WDFY4: variants seen among roughly 807,000 people sequenced by gnomAD.
WDFY4 encodes WDFY family member 4.
Under a neutral mutation model 351.9 loss-of-function variants are expected in WDFY4, and 169 were observed. The observed-to-expected ratio is 0.48, with a 90% CI of 0.42 to 0.55. WDFY4 has a LOEUF of 0.55. Among genes scored for constraint, WDFY4 ranks in the 20% least tolerant of loss-of-function variants. The probability of loss-of-function intolerance (pLI) is 0.00; values close to 1 mark genes in which losing one functional copy is unlikely to be tolerated. For missense variants in WDFY4, 3,803 were observed against 3,935.6 expected (o/e 0.97, Z 0.90); for synonymous variants, 1,622 against 1,574.6 (o/e 1.03, Z -0.71).
intron 48 of WDFY4, among the ~76,000 whole-genome samples, chr10:48,942,222 C>T (rs1179299997): frequency 6.6e-6 from 1 of 152,202 alleles, no homozygotes; most frequent in Non-Finnish European, 1.5e-5. Flanking sequence ...ACCTCAGCCA[C>T]CCAAAGGGCT....
chr10:48,787,388 C>G (rs11815762), intron 20 of WDFY4, among the ~76,000 whole-genome samples: 7,607 of 152,320 alleles, frequency 0.05, 243 homozygotes, highest in Middle Eastern at 0.082. Flanking sequence ...TTGAGCATTT[C>G]TGTCTCCAGG....
At chr10:48,970,968 T>C (rs1043473629) in intron 57 of WDFY4, among the ~76,000 whole-genome samples, 1 of 152,198 alleles carries the variant, frequency 6.6e-6, no homozygotes, top group African/African-American at 2.4e-5. Flanking sequence ...AAGGCCCTTC[T>C]GTATACTAAT....
At chr10:48,935,036 A>G (rs1327103356) in intron 47 of WDFY4, 2 of 152,216 alleles carry the variant, frequency 1.3e-5, no homozygotes, top group African/African-American at 4.8e-5. Flanking sequence ...CTTTGTAAAT[A>G]AAGCATACTG....
chr10:48,841,571 G>T (rs892062997), intron 39 of WDFY4, among the ~76,000 whole-genome samples: 3 of 152,150 alleles, frequency 2.0e-5, no homozygotes, highest in African/African-American at 7.2e-5. Context: ...CCTTACCCAT[G>T]CAGGAAAGAG....
intron 39 of WDFY4, among the ~76,000 whole-genome samples, chr10:48,841,493 A>G (rs1456394559): frequency 6.6e-6 from 1 of 151,712 alleles, no homozygotes; most frequent in Non-Finnish European, 1.5e-5. Context: ...CTTCTAATGT[A>G]TGTTTTCTGT....
intron 54 of WDFY4, among the ~76,000 whole-genome samples, 174 bp from the exon 55 acceptor site, chr10:48,966,352 C>T (rs1166544059): frequency 1.3e-5 from 2 of 152,274 alleles, no homozygotes; most frequent in East Asian, 3.9e-4. Context: ...GCCCCAGGCC[C>T]CTCATCTGCA....
At chr10:48,721,209 G>A in intron 3 of WDFY4, 52 bp from the exon 4 acceptor site, 9 of 1,517,042 alleles carry the variant, frequency 5.9e-6, no homozygotes, top group Admixed American at 2.0e-5. Flanking sequence ...GGATGGAGGG[G>A]AAGCTGAGTG....
intron 39 of WDFY4, among the ~76,000 whole-genome samples, chr10:48,859,706 T>C (rs2069267925): frequency 6.6e-6 from 1 of 152,224 alleles, no homozygotes; most frequent in South Asian, 2.1e-4. Flanking sequence ...CAGGCTATTG[T>C]TAGCCTCATA....
Position 48,942,674 on chromosome 10 carries a change from G to A in WDFY4, c.7630-656G>A, listed in dbSNP as rs555304490. ...ACTCAGGTCCAAAATCCTCTCCCAA[G>A]GGGCAGGTTGAGGAAAGGAGAGCCC... On this transcript the variant is annotated intron_variant, in intron 48 of 61. Coordinates refer to ENST00000325239, the MANE Select transcript of WDFY4 (RefSeq NM_001394531.1). Among the ~76,000 whole-genome samples the A allele has an allele frequency of 2.0e-5, 3 of 152,344 alleles. No individual in the cohort carries two copies. In the East Asian group the frequency reaches 5.8e-4, roughly 29 times the overall value.
chr10:48,722,861 G>C (rs2064138282), intron 4 of WDFY4, among the ~76,000 whole-genome samples: 1 of 152,206 alleles, frequency 6.6e-6, no homozygotes, highest in African/African-American at 2.4e-5. Context: ...CCTCTGTCTG[G>C]CAGCCCTGAG....
At chr10:48,875,253 C>A in intron 42 of WDFY4, 113 bp downstream of exon 42, 2 of 550,272 alleles carry the variant, frequency 3.6e-6, no homozygotes, top group South Asian at 7.2e-5. Flanking sequence ...GCTATTGTAG[C>A]CAGCCCTGGG....
At position 48,826,923 on chromosome 10, in the gene WDFY4, A is replaced by G. The variant is rs2068028346; in HGVS notation, c.6221+14A>G. 2 of 1,546,630 alleles carry G rather than the reference A, an allele frequency of 1.3e-6. No individual in the cohort carries two copies. Among genetic ancestry groups the G allele is most frequent in the Non-Finnish European group, 1.8e-6 (2 of 1,142,548 alleles). On this transcript the variant is annotated intron_variant, in intron 36 of 61. Transcript: ENST00000325239. ...CAATGAGAGAAGGTAAGAGCTGCCC[A>G]CTTGTTTCCTTGTCTGCTGGTGGTC...
intron 13 of WDFY4, among the ~76,000 whole-genome samples, chr10:48,766,329 G>A (rs1445844602): frequency 2.6e-5 from 4 of 152,204 alleles, no homozygotes; most frequent in Non-Finnish European, 5.9e-5. Context: ...GGTGACTCAT[G>A]CCTGTAATTT....
intron 2 of WDFY4, among the ~76,000 whole-genome samples, chr10:48,713,616 C>T (rs1372942615): frequency 3.9e-5 from 6 of 152,120 alleles, no homozygotes; most frequent in African/African-American, 1.4e-4. Flanking sequence ...CAAACTGGAA[C>T]CCAAAAAGGG....
At chr10:48,794,621 G>A (rs982192086) in intron 23 of WDFY4, among the ~76,000 whole-genome samples, 2 of 152,170 alleles carry the variant, frequency 1.3e-5, no homozygotes, top group Non-Finnish European at 2.9e-5. Flanking sequence ...ATGGAGCTGG[G>A]AATATAATTA....
At chr10:48,898,187 T>C (rs910057947) in intron 45 of WDFY4, among the ~76,000 whole-genome samples, 1 of 152,210 alleles carries the variant, frequency 6.6e-6, no homozygotes, top group Non-Finnish European at 1.5e-5. Context: ...AGCTCAGCCA[T>C]AAGCTGGTCA....
chr10:48,970,446 G>C (rs184735710), intron 57 of WDFY4, among the ~76,000 whole-genome samples, 157 bp downstream of exon 57: 53 of 152,322 alleles, frequency 3.5e-4, no homozygotes, highest in African/African-American at 1.1e-3. Flanking sequence ...AGCTAGGAAT[G>C]AGCGAAGTGA....
intron 45 of WDFY4, among the ~76,000 whole-genome samples, chr10:48,897,988 A>G (rs1203769940): frequency 6.6e-6 from 1 of 152,032 alleles, no homozygotes; most frequent in Admixed American, 6.5e-5. Flanking sequence ...TCCCTTGCTG[A>G]CATACTCTCC....
rs1842848676 is a variant in WDFY4, at chr10:48,982,413, C to T, written c.9489-96C>T. On this transcript the variant is annotated intron_variant, in intron 61 of 61. Coordinates refer to ENST00000325239, the MANE Select transcript of WDFY4 (RefSeq NM_001394531.1). ...AGACCAGGGGCAAGCTCCGCTGGGC[C>T]CCAGATAGAGCCCCAGAGTTGCAAT... is the stretch of plus-strand genomic sequence containing the variant. 4.4e-6 allele frequency: 5 copies of T among 1,134,458 alleles called. No homozygotes were observed. In the African/African-American group the frequency reaches 4.7e-5, roughly 11 times the overall value. 70.3% of individuals were successfully genotyped at this position (1,134,458 alleles called of 1,614,324 possible). A position where few individuals can be genotyped will look rare whatever the true frequency, so the allele number is the denominator to read the frequency against.
Sources: gnomAD v4.1 joint callset for allele counts (sites outside exome capture counted in the v4.1 genomes callset) on GRCh38, gnomAD v4.1.1 for gene constraint, MANE v1.5 for transcripts, NCBI Gene and HGNC (gene_info 2026-07-23, HGNC 2026-07-21) for gene names.